Variants in PMS1 observed in about 807,000 individuals in gnomAD.
PMS1 encodes PMS1 homolog 1, mismatch repair system component, also known as PMS1 protein homolog 1.
Under a neutral mutation model 93.1 loss-of-function variants are expected in PMS1, and 79 were observed. That is an observed-to-expected ratio of 0.85 (90% CI 0.71 to 1.02). The LOEUF (loss-of-function observed/expected upper bound fraction) is 1.02. PMS1 is among the 50% of genes least tolerant of loss of function. PMS1 has a pLI of 0.00. For synonymous variants in PMS1, 335 were observed against 363.4 expected (o/e 0.92, Z 0.89); for missense variants, 1,064 against 1,085.3 (o/e 0.98, Z 0.28).
intron 5 of PMS1, among the ~76,000 whole-genome samples, chr2:189,832,247 T>C (rs1229197233): frequency 6.6e-6 from 1 of 152,088 alleles, no homozygotes; most frequent in Non-Finnish European, 1.5e-5. Flanking sequence ...GAAGAGATGA[T>C]TGGGATGGCT....
At chr2:189,790,606 A>G (rs1392611081) in intron 1 of PMS1, among the ~76,000 whole-genome samples, 1 of 152,180 alleles carries the variant, frequency 6.6e-6, no homozygotes, top group East Asian at 1.9e-4. Context: ...AATAATAAGT[A>G]TAATGTTTTA....
intron 12 of PMS1, among the ~76,000 whole-genome samples, chr2:189,874,394 A>G (rs1235700596): frequency 6.6e-6 from 1 of 152,236 alleles, no homozygotes; most frequent in Non-Finnish European, 1.5e-5. Context: ...AAAGATGGGA[A>G]TCTTTGAATA....
Position 189,805,910 on chromosome 2 carries a change from C to A in PMS1, c.418+156C>A. ...TCCAAGTAAACATTCAGCCTTTATT[C>A]TAGCCACCAATTTCTTAAATATTTA... On this transcript the variant is annotated intron_variant, in intron 4 of 12. Transcript: ENST00000441310. The A allele has an allele frequency of 2.0e-6, 3 of 1,525,138 alleles. No individual in the cohort carries two copies. In the South Asian group the frequency reaches 3.8e-5, roughly 19 times the overall value. 94.5% of individuals were successfully genotyped at this position (1,525,138 alleles called of 1,614,324 possible).
intron 6 of PMS1, among the ~76,000 whole-genome samples, chr2:189,847,392 G>GT (rs2054343467): frequency 6.6e-6 from 1 of 151,370 alleles, no homozygotes; most frequent in South Asian, 2.1e-4. Context: ...TTCTCCTATT[G>GT]TTTTTTCTCA....
intron 3 of PMS1, among the ~76,000 whole-genome samples, chr2:189,802,845 G>A (rs192626756): frequency 1.0e-3 from 152 of 152,244 alleles, no homozygotes; most frequent in African/African-American, 3.5e-3. Context: ...GTCAAAATAC[G>A]TCTGGGAAGT....
intron 5 of PMS1, among the ~76,000 whole-genome samples, chr2:189,833,464 C>T (rs2053131097): frequency 6.6e-6 from 1 of 152,116 alleles, no homozygotes; most frequent in Non-Finnish European, 1.5e-5. Flanking sequence ...CGCCTGTAGT[C>T]CCAGCTACTC....
At chr2:189,793,290 G>A (rs886240375) in intron 2 of PMS1, among the ~76,000 whole-genome samples, 2 of 152,192 alleles carry the variant, frequency 1.3e-5, no homozygotes, top group African/African-American at 4.8e-5. Context: ...TAGGATGTTT[G>A]TTAAAACTGT....
chr2:189,815,054 A>G (rs2544054), intron 4 of PMS1, among the ~76,000 whole-genome samples: 10,086 of 150,062 alleles, frequency 0.067, 691 homozygotes, highest in African/African-American at 0.17. Flanking sequence ...AGCCGAGATC[A>G]TGCCACTGCA....
chr2:189,797,920 A>G (rs2049505394), intron 3 of PMS1, among the ~76,000 whole-genome samples: 1 of 152,182 alleles, frequency 6.6e-6, no homozygotes, highest in Admixed American at 6.6e-5. Context: ...TTATGAGGGG[A>G]TTACATTCCT....
intron 12 of PMS1, among the ~76,000 whole-genome samples, chr2:189,874,087 CAAG>C (rs1249099797): frequency 6.6e-6 from 1 of 151,316 alleles, no homozygotes. Context: ...TATGTATTTG[CAAG>C]AAGAACACTA....
intron 4 of PMS1, among the ~76,000 whole-genome samples, chr2:189,817,352 A>T (rs1207047439): frequency 6.6e-6 from 1 of 152,190 alleles, no homozygotes; most frequent in East Asian, 1.9e-4. Flanking sequence ...TTCATTCTTC[A>T]GTGTTTTAAA....
intron 12 of PMS1, among the ~76,000 whole-genome samples, chr2:189,874,532 T>G (rs1226214652): frequency 6.6e-6 from 1 of 152,234 alleles, no homozygotes; most frequent in Non-Finnish European, 1.5e-5. Flanking sequence ...ACAATAGTGT[T>G]TCCATCTATA....
intron 4 of PMS1, chr2:189,806,430 C>T (rs985860583): frequency 9.4e-6 from 3 of 320,690 alleles, no homozygotes; most frequent in Non-Finnish European, 1.8e-5. Context: ...CAGGGTCTCA[C>T]TCTGTCACAC....
At chr2:189,832,865 A>G (rs556208897) in intron 5 of PMS1, among the ~76,000 whole-genome samples, 1 of 152,322 alleles carries the variant, frequency 6.6e-6, no homozygotes, top group African/African-American at 2.4e-5. Context: ...AATATTTGTT[A>G]CTTAAATAGT....
chr2:189,845,932 C>T (rs960708952), intron 6 of PMS1, among the ~76,000 whole-genome samples: 2 of 152,100 alleles, frequency 1.3e-5, no homozygotes, highest in South Asian at 2.1e-4. Flanking sequence ...CCATGTTGGC[C>T]GGGCTGGTCT....
In PMS1 at chr2:189,808,378, A is replaced by G. The variant is rs570341625; in HGVS notation, c.418+2624A>G. ...AGTCTTACTCTGTCGCCCAGGCTGG[A>G]GTGCAGTGGCGTGATCTCAGCTCAG... On this transcript the variant is annotated intron_variant, in intron 4 of 12. Transcript: ENST00000441310. 2.7e-4 allele frequency among the ~76,000 whole-genome samples: 41 copies of G among 152,214 alleles called. No individual in the cohort carries two copies. In the East Asian group the frequency reaches 7.0e-3, roughly 26 times the overall value.
chr2:189,797,294 T>C (rs2049444340), intron 3 of PMS1, among the ~76,000 whole-genome samples: 1 of 152,204 alleles, frequency 6.6e-6, no homozygotes, highest in South Asian at 2.1e-4. Context: ...GACTGTGAGT[T>C]AGGTGCTCAG....
intron 5 of PMS1, among the ~76,000 whole-genome samples, chr2:189,833,721 T>G (rs910422328): frequency 6.6e-6 from 1 of 152,198 alleles, no homozygotes; most frequent in African/African-American, 2.4e-5. Flanking sequence ...GAACCCCCCC[T>G]ACTTCCCTGC....
chr2:189,834,964 G>A (rs2053261220), intron 5 of PMS1, among the ~76,000 whole-genome samples: 1 of 152,056 alleles, frequency 6.6e-6, no homozygotes, highest in Middle Eastern at 3.2e-3. Context: ...TCCTGCCTCA[G>A]CCTCCCAAAG....
Sources: allele counts gnomAD v4.1 joint callset (sites outside exome capture counted in the v4.1 genomes callset), GRCh38; gene constraint gnomAD v4.1.1; transcripts MANE v1.5; gene names NCBI Gene and HGNC (gene_info 2026-07-23, HGNC 2026-07-21).